The following UAP1 variants were observed in gnomAD, a reference collection of about 807,000 sequenced individuals.
The protein encoded by UAP1 is UDP-N-acetylglucosamine pyrophosphorylase 1.
In UAP1, 25 loss-of-function variants were observed where a neutral mutation model predicts 58.5. That is an observed-to-expected ratio of 0.43 (90% CI 0.31 to 0.60). UAP1 has a LOEUF of 0.60. Ranked by LOEUF, UAP1 falls within the 20% of genes least tolerant of loss-of-function variation. The pLI is 0.11. For synonymous variants in UAP1, 208 were observed against 213.0 expected, an observed-to-expected ratio of 0.98 and a Z score of 0.21; for missense variants, 575 against 630.0, an observed-to-expected ratio of 0.91 and a Z score of 0.93.
intron 2 of UAP1, among the ~76,000 whole-genome samples, chr1:162,572,080 G>A (rs1653897522): frequency 6.6e-6 from 1 of 152,226 alleles, no homozygotes; most frequent in Non-Finnish European, 1.5e-5. Context: ...TGGTTAAATA[G>A]AGATGAGATG....
chr1:162,573,593 G>A (rs1038320038), intron 2 of UAP1, among the ~76,000 whole-genome samples: 30 of 152,130 alleles, frequency 2.0e-4, no homozygotes, highest in Admixed American at 5.2e-4. Flanking sequence ...TAACTCTCAG[G>A]TAGCTAAGGT....
chr1:162,599,947 A>G (rs531099634), downstream of UAP1: 6 of 152,348 alleles, frequency 3.9e-5, no homozygotes, highest in African/African-American at 1.4e-4. Flanking sequence ...TTGCAGAGTC[A>G]TAGAACTTCT....
chr1:162,572,508 T>C (rs1169525522), intron 2 of UAP1, among the ~76,000 whole-genome samples: 1 of 152,176 alleles, frequency 6.6e-6, no homozygotes, highest in Non-Finnish European at 1.5e-5. Flanking sequence ...GAAATAACTT[T>C]CCTGGGACTG....
chr1:162,570,148 CAAA>C (rs11405209), intron 2 of UAP1, among the ~76,000 whole-genome samples: 1 of 95,578 alleles, frequency 1.0e-5, no homozygotes, highest in Non-Finnish European at 2.1e-5. Flanking sequence ...GACTCCGTCT[CAAA>C]AAAAAAAAAA....
At chr1:162,563,122 T>A (rs920540795) in intron 1 of UAP1, among the ~76,000 whole-genome samples, 2 of 152,220 alleles carry the variant, frequency 1.3e-5, no homozygotes, top group Admixed American at 6.5e-5. Context: ...TTTTAACTCT[T>A]CTGTTAATTG....
chr1:162,583,437 G>A (rs1279120318), intron 5 of UAP1, among the ~76,000 whole-genome samples: 3 of 151,734 alleles, frequency 2.0e-5, no homozygotes. Context: ...ACAGGCGTGA[G>A]CCACCGTGCC....
intron 4 of UAP1, among the ~76,000 whole-genome samples, chr1:162,580,095 GACCTCAAATGATGT>G (rs1437054359): frequency 6.6e-6 from 1 of 152,080 alleles, no homozygotes; most frequent in Non-Finnish European, 1.5e-5. Flanking sequence ...TCAAACTCCT[GACCTCAAATGATGT>G]ACCTGCCTTG....
intron 5 of UAP1, among the ~76,000 whole-genome samples, chr1:162,583,127 C>T (rs1442754655): frequency 1.3e-5 from 2 of 149,896 alleles, no homozygotes; most frequent in Admixed American, 1.3e-4. Context: ...TAGGCACACG[C>T]CTTCCACTTG....
intron 1 of UAP1, among the ~76,000 whole-genome samples, chr1:162,564,469 C>G (rs753407119): frequency 6.6e-6 from 1 of 152,168 alleles, no homozygotes; most frequent in Admixed American, 6.5e-5. Flanking sequence ...TCTCTCACAT[C>G]GAAGCAATTA....
At chr1:162,569,213 A>G (rs1246947683) in intron 2 of UAP1, among the ~76,000 whole-genome samples, 1 of 152,228 alleles carries the variant, frequency 6.6e-6, no homozygotes, top group East Asian at 1.9e-4. Flanking sequence ...TATTTCAGGT[A>G]GTAGGAAGAT....
intron 10 of UAP1, among the ~76,000 whole-genome samples, chr1:162,598,700 A>T (rs956270263): frequency 2.0e-5 from 3 of 152,138 alleles, no homozygotes; most frequent in Admixed American, 2.0e-4. Flanking sequence ...AGCATTAGAG[A>T]TAGCTTTCTT....
intron 6 of UAP1, chr1:162,587,897 C>T: frequency 2.4e-6 from 1 of 422,124 alleles, no homozygotes. Flanking sequence ...GAGGCCAAAG[C>T]ATTTCTCCCT....
intron 5 of UAP1, among the ~76,000 whole-genome samples, chr1:162,581,662 C>G (rs1654593858): frequency 6.6e-6 from 1 of 152,100 alleles, no homozygotes; most frequent in African/African-American, 2.4e-5. Context: ...ATACTTATCA[C>G]AGGTAAGAGT....
intron 9 of UAP1, 74 bp from the exon 10 acceptor site, chr1:162,597,718 T>A: frequency 8.0e-7 from 1 of 1,249,462 alleles, no homozygotes; most frequent in Non-Finnish European, 1.2e-6. Context: ...AGAGGAAAGT[T>A]ATGGTTTGTA....
At chr1:162,597,977 G>T in intron 10 of UAP1, 119 bp downstream of exon 10, 2 of 866,494 alleles carry the variant, frequency 2.3e-6, no homozygotes, top group South Asian at 1.7e-5. Context: ...TGAGGTGATA[G>T]ATATGTTAAT....
At chr1:162,575,652 G>A (rs1654133123) in intron 2 of UAP1, among the ~76,000 whole-genome samples, 1 of 150,032 alleles carries the variant, frequency 6.7e-6, no homozygotes, top group Non-Finnish European at 1.5e-5. Context: ...GCCTGGTGTG[G>A]TCTGGAACTC....
chr1:162,580,059 C>T (rs1654488222), intron 4 of UAP1, among the ~76,000 whole-genome samples: 1 of 152,014 alleles, frequency 6.6e-6, no homozygotes, highest in Non-Finnish European at 1.5e-5. Flanking sequence ...TAGAGAAGGG[C>T]TTTCGCCATG....
In UAP1 at chr1:162,572,800, A is replaced by T. The variant is rs185828296; in HGVS notation, c.281-3977A>T. On this transcript the variant is annotated intron_variant, in intron 2 of 10. Coordinates refer to ENST00000271469, the Ensembl canonical transcript of UAP1. ...ACATGACTATTTGTCAACTTTATTT[A>T]TCCCACTTAATGTGATTATAGGGTG... Among the ~76,000 whole-genome samples, 383 of 152,330 alleles carry T rather than the reference A, an allele frequency of 2.5e-3. 1 individual carries two copies. The highest frequency in any genetic ancestry group is 9.1e-3 in the African/African-American group (378 of 41,580).
chr1:162,599,421 A>C, exon 11 of UAP1: 3 of 1,106,966 alleles, frequency 2.7e-6, no homozygotes, highest in Non-Finnish European at 4.1e-6. Context: ...TGATAGACCA[A>C]CTGTGAACCT....
Sources: allele counts gnomAD v4.1 joint callset (sites outside exome capture counted in the v4.1 genomes callset), GRCh38; gene constraint gnomAD v4.1.1; transcripts MANE v1.5; gene names NCBI Gene and HGNC (gene_info 2026-07-23, HGNC 2026-07-21).